The following KIAA0586 variants were observed in gnomAD, a reference collection of about 807,000 sequenced individuals.
KIAA0586 encodes KIAA0586.
A neutral mutation model predicts 169.8 loss-of-function variants in KIAA0586; 144 were observed. That is an observed-to-expected ratio of 0.85 (90% CI 0.74 to 0.97). The LOEUF is 0.97. Ranked by LOEUF, KIAA0586 falls within the 50% of genes least tolerant of loss-of-function variation. The pLI is 0.00. For missense variants in KIAA0586, 1,854 were observed against 1,823.0 expected (o/e 1.02, Z -0.31); for synonymous variants, 625 against 612.4 (o/e 1.02, Z -0.30).
At chr14:58,459,376 T>C (rs1332358467) in intron 12 of KIAA0586, among the ~76,000 whole-genome samples, 18 of 152,190 alleles carry the variant, frequency 1.2e-4, no homozygotes, top group Admixed American at 1.2e-3. Flanking sequence ...GCTCTACAGC[T>C]AACTGGCAAT....
At chr14:58,509,263 A>T (rs2044217337) in intron 28 of KIAA0586, among the ~76,000 whole-genome samples, 1 of 152,084 alleles carries the variant, frequency 6.6e-6, no homozygotes, top group African/African-American at 2.4e-5. Context: ...AATATATATA[A>T]AAGTAAGGTA....
At chr14:58,499,585 G>A (rs1371891286) in intron 27 of KIAA0586, among the ~76,000 whole-genome samples, 1 of 151,018 alleles carries the variant, frequency 6.6e-6, no homozygotes, top group Non-Finnish European at 1.5e-5. Flanking sequence ...TGGAGACGGA[G>A]TCTTGCTTTG....
At chr14:58,516,707 G>GA (rs2044781924) in intron 29 of KIAA0586, among the ~76,000 whole-genome samples, 1 of 151,862 alleles carries the variant, frequency 6.6e-6, no homozygotes, top group Non-Finnish European at 1.5e-5. Context: ...CTTTTAAAAA[G>GA]AAAAATAAAG....
intron 27 of KIAA0586, among the ~76,000 whole-genome samples, chr14:58,499,454 A>G (rs1383736598): frequency 6.6e-6 from 1 of 151,702 alleles, no homozygotes; most frequent in Non-Finnish European, 1.5e-5. Flanking sequence ...GGGTTTCACC[A>G]TGTTAGTCAG....
intron 8 of KIAA0586, among the ~76,000 whole-genome samples, chr14:58,450,988 T>C (rs1732072893): frequency 6.8e-6 from 1 of 147,648 alleles, no homozygotes. Flanking sequence ...GTTAACTTTT[T>C]TTTTTTTTTT....
At chr14:58,433,651 A>G (rs1050620425) in intron 4 of KIAA0586, among the ~76,000 whole-genome samples, 2 of 152,220 alleles carry the variant, frequency 1.3e-5, no homozygotes, top group Admixed American at 6.5e-5. Flanking sequence ...AAATTACAGC[A>G]TATGGAAATT....
At chr14:58,501,000 G>A (rs751160120) in intron 27 of KIAA0586, among the ~76,000 whole-genome samples, 7 of 152,106 alleles carry the variant, frequency 4.6e-5, no homozygotes, top group Non-Finnish European at 7.3e-5. Flanking sequence ...GATTTGGGGG[G>A]TTATAAATAC....
At chr14:58,557,305 C>G in the KIAA0586 span, among the ~76,000 whole-genome samples, 2 of 152,126 alleles carry the variant, frequency 1.3e-5, no homozygotes, top group Non-Finnish European at 2.9e-5. Context: ...ATGGATTCCT[C>G]CTTATATAGA....
intron 27 of KIAA0586, 28 bp downstream of exon 27, chr14:58,498,988 G>T: frequency 6.4e-7 from 1 of 1,554,162 alleles, no homozygotes; most frequent in Non-Finnish European, 8.7e-7. Context: ...TTTTCTTGAT[G>T]TGTCATAGTA....
Position 58,512,637 on chromosome 14 carries a change from G to A in KIAA0586, c.4429+10G>A. The A allele has an allele frequency of 1.5e-6, 2 of 1,330,616 alleles. No homozygotes were observed. Among genetic ancestry groups the A allele is most frequent in the South Asian group, 1.4e-5 (1 of 71,670 alleles). The allele number at this position is 1,330,616 out of a possible 1,614,324, so 82.4% of individuals were successfully genotyped here. A position where few individuals can be genotyped will look rare whatever the true frequency, so the allele number is the denominator to read the frequency against. ...CCTTCACAGCAACAAGGTAAGACTT[G>A]TTTTTATGTAATAATACAATAGTTT... On this transcript the variant is annotated intron_variant, in intron 29 of 30. Coordinates refer to ENST00000652326, the MANE Select transcript of KIAA0586 (RefSeq NM_001329943.3).
chr14:58,442,926 G>A, intron 5 of KIAA0586, 46 bp downstream of exon 5: 1 of 1,376,668 alleles, frequency 7.3e-7, no homozygotes, highest in Non-Finnish European at 1.0e-6. Flanking sequence ...GTGAAATATA[G>A]AAGTACTTAC....
downstream of KIAA0586, among the ~76,000 whole-genome samples, chr14:58,551,591 G>A (rs979433081): frequency 4.6e-5 from 7 of 151,580 alleles, no homozygotes; most frequent in African/African-American, 7.3e-5. Flanking sequence ...GTGAAACCCC[G>A]TCTCTACCAA....
In KIAA0586 at chr14:58,452,917, TA is replaced by T. The variant is rs200902363; in HGVS notation, c.1130-430del. Among the ~76,000 whole-genome samples the T allele has an allele frequency of 5.8e-4, 87 of 149,546 alleles. 1 individual carries two copies. Among genetic ancestry groups the T allele is most frequent in the East Asian group, 5.9e-4 (3 of 5,126 alleles). ...AAATTGTAGGCTACTTTGTAGGCTA[TA>T]AATTTTTTTTTTTTTTGAGATGGAG... On this transcript the variant is annotated intron_variant, in intron 8 of 30. Transcript: ENST00000652326.
Position 58,453,384 on chromosome 14 carries a change from T to C in KIAA0586, c.1164T>C (p.Asn388=). Residue 388 remains asparagine, a synonymous_variant, in exon 9 of 31, where the codon AAT becomes AAC. Coordinates refer to ENST00000652326, the MANE Select transcript of KIAA0586 (RefSeq NM_001329943.3). ...GACTATTGGAACAAATTTTGAATAA[T>C]AATGATTCTTTGACAAGAAAAAGTG... The part of the protein sequence containing the change: ...NVRLLEQILN[N]NDSLTRKSES... 7.1e-7 allele frequency: 1 copy of C among 1,417,782 alleles called. No individual in the cohort carries two copies. Among genetic ancestry groups the C allele is most frequent in the Non-Finnish European group, 9.6e-7 (1 of 1,040,834 alleles). The allele number at this position is 1,417,782 out of a possible 1,614,324, so 87.8% of individuals were successfully genotyped here. A position where few individuals can be genotyped will look rare whatever the true frequency, so the allele number is the denominator to read the frequency against.
At chr14:58,518,359 G>T (rs2044919331) in intron 29 of KIAA0586, among the ~76,000 whole-genome samples, 1 of 151,988 alleles carries the variant, frequency 6.6e-6, no homozygotes, top group Admixed American at 6.6e-5. Context: ...GGATTTTTAG[G>T]TGTTTATTTA....
chr14:58,429,783 A>T (rs2037206882), intron 2 of KIAA0586, among the ~76,000 whole-genome samples: 1 of 152,170 alleles, frequency 6.6e-6, no homozygotes, highest in African/African-American at 2.4e-5. Context: ...ATTTTTCTTT[A>T]ATGTGAGGTG....
chr14:58,513,060 CT>C (rs1479989737), intron 29 of KIAA0586, among the ~76,000 whole-genome samples: 2 of 152,050 alleles, frequency 1.3e-5, no homozygotes, highest in Non-Finnish European at 2.9e-5. Context: ...ATATTACATA[CT>C]GTGATATGGA....
intron 4 of KIAA0586, among the ~76,000 whole-genome samples, chr14:58,435,261 G>T (rs2037729773): frequency 6.6e-6 from 1 of 152,156 alleles, no homozygotes; most frequent in African/African-American, 2.4e-5. Context: ...TATATCATTT[G>T]ATCAAATAAG....
intron 29 of KIAA0586, among the ~76,000 whole-genome samples, chr14:58,532,920 T>C (rs1455818389): frequency 6.6e-6 from 1 of 152,228 alleles, no homozygotes. Context: ...AAAATGTTAT[T>C]GCTAAAATGT....
Sources: gnomAD v4.1 joint callset for allele counts (sites outside exome capture counted in the v4.1 genomes callset) on GRCh38, gnomAD v4.1.1 for gene constraint, MANE v1.5 for transcripts, NCBI Gene and HGNC (gene_info 2026-07-23, HGNC 2026-07-21) for gene names.